Variants in PBX1 observed in about 807,000 individuals in gnomAD.
The protein encoded by PBX1 is PBX homeobox 1, also known as pre-B-cell leukemia transcription factor 1.
PBX1 carries 6 observed loss-of-function variants against 53.4 expected under a neutral mutation model. The observed-to-expected ratio is 0.11, with a 90% CI of 0.06 to 0.22. The LOEUF (loss-of-function observed/expected upper bound fraction) is 0.22. PBX1 is among the 10% of genes least tolerant of loss of function. PBX1 has a pLI of 1.00. For missense variants in PBX1, 251 were observed against 551.4 expected (o/e 0.46, Z 5.46); for synonymous variants, 204 against 212.3 (o/e 0.96, Z 0.34).
chr1:164,769,593 C>T (rs1164753449), intron 2 of PBX1, among the ~76,000 whole-genome samples: 2 of 152,104 alleles, frequency 1.3e-5, no homozygotes, highest in African/African-American at 4.8e-5. Context: ...GGGAATGACA[C>T]CATCATAACC....
intron 2 of PBX1, among the ~76,000 whole-genome samples, chr1:164,711,633 CT>C (rs1204267942): frequency 1.3e-5 from 2 of 152,188 alleles, no homozygotes; most frequent in African/African-American, 4.8e-5. Flanking sequence ...TGTGTCAAGC[CT>C]GAGGAATGAA....
In PBX1 at chr1:164,850,097, T is replaced by A. The variant is rs1671757627; in HGVS notation, c.*3421T>A. The A allele has an allele frequency of 4.4e-6, 1 of 227,918 alleles. No homozygotes were observed. Among genetic ancestry groups the A allele is most frequent in the African/African-American group, 2.2e-5 (1 of 45,204 alleles). 14.1% of individuals were successfully genotyped at this position (227,918 alleles called of 1,614,324 possible). A position where few individuals can be genotyped will look rare whatever the true frequency, so the allele number is the denominator to read the frequency against. Reference sequence around the variant, plus strand: ...TTAATAGTGTTTATAATAAAAATTTTAAAAATGACCCTCATAGCACGCAAA... The same window carrying A: ...TTAATAGTGTTTATAATAAAAATTTAAAAAATGACCCTCATAGCACGCAAA... On this transcript the variant is annotated 3_prime_UTR_variant, in exon 9 of 9. Coordinates refer to ENST00000420696, the MANE Select transcript of PBX1 (RefSeq NM_002585.4).
chr1:164,647,142 G>A (rs1461837782), intron 2 of PBX1, among the ~76,000 whole-genome samples: 1 of 152,216 alleles, frequency 6.6e-6, no homozygotes, highest in Non-Finnish European at 1.5e-5. Context: ...GTGGTGCAGA[G>A]AATAGACCAA....
chr1:164,736,055 G>A (rs554124127), intron 2 of PBX1, among the ~76,000 whole-genome samples: 70 of 152,190 alleles, frequency 4.6e-4, no homozygotes, highest in Non-Finnish European at 9.0e-4. Context: ...AAGTCAAAAC[G>A]TTGGGCTCAA....
At chr1:164,645,757 A>G (rs1243781564) in intron 2 of PBX1, among the ~76,000 whole-genome samples, 1 of 152,240 alleles carries the variant, frequency 6.6e-6, no homozygotes, top group Non-Finnish European at 1.5e-5. Flanking sequence ...GGAAATGGTA[A>G]TGAGATTATA....
intron 2 of PBX1, among the ~76,000 whole-genome samples, chr1:164,582,486 G>A (rs758831321): frequency 6.6e-6 from 1 of 150,620 alleles, no homozygotes; most frequent in African/African-American, 2.4e-5. Flanking sequence ...GCAGTGACGC[G>A]ATCTCAGCTC....
intron 4 of PBX1, among the ~76,000 whole-genome samples, chr1:164,802,761 CACAT>C (rs1312764114): frequency 3.5e-5 from 5 of 143,576 alleles, no homozygotes; most frequent in Admixed American, 1.4e-4. Flanking sequence ...AAAAATTCCA[CACAT>C]TCATTCATTC....
intron 2 of PBX1, among the ~76,000 whole-genome samples, chr1:164,699,733 ATTC>A (rs1304742757): frequency 1.3e-4 from 20 of 152,042 alleles, no homozygotes; most frequent in Non-Finnish European, 2.4e-4. Flanking sequence ...GTGGAGGAAA[ATTC>A]TTCTTCTCGT....
chr1:164,670,974 C>G (rs1276038132), intron 2 of PBX1, among the ~76,000 whole-genome samples: 1 of 152,190 alleles, frequency 6.6e-6, no homozygotes, highest in African/African-American at 2.4e-5. Flanking sequence ...AAGTCTTCTT[C>G]CCTATCAGCC....
chr1:164,581,228 A>AT lies in PBX1; in HGVS notation c.265+17934dup, dbSNP rs1238499791. Among the ~76,000 whole-genome samples, 1,176 of 130,728 alleles carry AT rather than the reference A, an allele frequency of 9.0e-3. 15 individuals carry two copies. The highest frequency in any genetic ancestry group is 0.028 in the African/African-American group (990 of 35,530). The allele number at this position is 130,728 out of a possible 152,430, so 85.8% of individuals were successfully genotyped here. ...CATATCCAGCAGCTCCCCGACCGCC[A>AT]TTTTTTTTTTTTTTTTTGAGATGGA... On this transcript the variant is annotated intron_variant, in intron 2 of 8. Transcript: ENST00000420696.
intron 2 of PBX1, among the ~76,000 whole-genome samples, chr1:164,630,433 T>G (rs562302162): frequency 6.6e-6 from 1 of 152,284 alleles, no homozygotes; most frequent in Non-Finnish European, 1.5e-5. Flanking sequence ...GGTTATGCTG[T>G]TTTCATATTT....
intron 2 of PBX1, among the ~76,000 whole-genome samples, chr1:164,663,309 C>CCT (rs150696368): frequency 2.5e-4 from 38 of 149,520 alleles, no homozygotes; most frequent in Admixed American, 1.1e-3. Flanking sequence ...TTCCTGCCTT[C>CCT]CTCTCTCTCT....
chr1:164,562,465 A>G (rs1653126308), intron 1 of PBX1, among the ~76,000 whole-genome samples: 1 of 151,378 alleles, frequency 6.6e-6, no homozygotes, highest in Admixed American at 6.6e-5. Flanking sequence ...ACACACACAC[A>G]CACACACACA....
intron 2 of PBX1, among the ~76,000 whole-genome samples, chr1:164,879,907 G>T (rs1672606045): frequency 6.6e-6 from 1 of 152,144 alleles, no homozygotes; most frequent in Non-Finnish European, 1.5e-5. Context: ...CCTACGCTGG[G>T]GGTGCTCCTT....
intron 2 of PBX1, among the ~76,000 whole-genome samples, chr1:164,614,579 G>C (rs1657145545): frequency 6.6e-6 from 1 of 152,140 alleles, no homozygotes; most frequent in African/African-American, 2.4e-5. Context: ...CCTGGCTGCT[G>C]ACTGGTGCGC....
chr1:164,560,996 G>C (rs1653000464), intron 1 of PBX1, among the ~76,000 whole-genome samples: 1 of 152,116 alleles, frequency 6.6e-6, no homozygotes, highest in Non-Finnish European at 1.5e-5. Context: ...CTCTACTTCA[G>C]GATTTTACAG....
At chr1:164,670,655 A>T (rs1457066716) in intron 2 of PBX1, among the ~76,000 whole-genome samples, 1 of 152,174 alleles carries the variant, frequency 6.6e-6, no homozygotes, top group Admixed American at 6.5e-5. Context: ...ACTAAGAGAG[A>T]GAAAGGGGCT....
intron 2 of PBX1, among the ~76,000 whole-genome samples, chr1:164,718,615 G>A (rs1004143400): frequency 6.6e-6 from 1 of 152,184 alleles, no homozygotes; most frequent in African/African-American, 2.4e-5. Flanking sequence ...CACATGGGCA[G>A]CCAAACTCTG....
chr1:164,648,235 G>T (rs985544953), intron 2 of PBX1, among the ~76,000 whole-genome samples: 1 of 152,210 alleles, frequency 6.6e-6, no homozygotes, highest in Non-Finnish European at 1.5e-5. Context: ...ATTATTAGGG[G>T]TGTGATTTAA....
Sources: gnomAD v4.1 joint callset for allele counts (sites outside exome capture counted in the v4.1 genomes callset) on GRCh38, gnomAD v4.1.1 for gene constraint, MANE v1.5 for transcripts, NCBI Gene and HGNC (gene_info 2026-07-23, HGNC 2026-07-21) for gene names.